The following E2F8 variants were observed in gnomAD, a reference collection of about 807,000 sequenced individuals.
E2F8 encodes the protein E2F transcription factor 8.
Under a neutral mutation model 80.8 loss-of-function variants are expected in E2F8, and 35 were observed. The observed-to-expected ratio is 0.43, with a 90% confidence interval of 0.33 to 0.57. The LOEUF (loss-of-function observed/expected upper bound fraction) is 0.57, where lower values mean the gene tolerates loss of function less well. Among genes scored for constraint, E2F8 ranks in the 20% least tolerant of loss-of-function variants. The pLI is 0.04. For missense variants in E2F8, 975 were observed against 1,056.2 expected (o/e 0.92, Z 1.07); for synonymous variants, 386 against 395.0 (o/e 0.98, Z 0.27).
At position 19,224,788 on chromosome 11, in the gene E2F8, C is replaced by T. The variant is rs370899212; in HGVS notation, c.2474G>A (p.Arg825His). 4.5e-5 allele frequency: 73 copies of T among 1,613,968 alleles called. No individual in the cohort carries two copies. The highest frequency in any genetic ancestry group is 5.5e-5 in the Non-Finnish European group (65 of 1,180,030). The part of the protein sequence containing the change: ...GSQLVAESFF[R>H]TPGGPTKPTS... ...TGGCTTGGTGGGTCCACCTGGGGTACGGAAGAAACTTTCGGCCACTAATTG... is the reference window on the plus strand; with the variant it reads ...TGGCTTGGTGGGTCCACCTGGGGTATGGAAGAAACTTTCGGCCACTAATTG... Residue 825 changes from arginine (R) to histidine (H), a missense_variant, in exon 13 of 13, where the codon CGT (arginine) becomes CAT (histidine). Physicochemically the swap from Arg to His is conservative, Grantham distance 29. Transcript: ENST00000250024.
At chr11:19,236,278 C>G (rs1291392515) in intron 4 of E2F8, among the ~76,000 whole-genome samples, 1 of 152,184 alleles carries the variant, frequency 6.6e-6, no homozygotes, top group Non-Finnish European at 1.5e-5. Flanking sequence ...TCAACGAAGC[C>G]TGATCTGACC....
chr11:19,229,376 A>C lies in E2F8; in HGVS notation c.1893+78T>G. ...GTCTTCTGAGAGAATGCTCTTCGGTAAATTTCACAAGCCACCAATCTTCCT... is the reference window on the plus strand; with the variant it reads ...GTCTTCTGAGAGAATGCTCTTCGGTCAATTTCACAAGCCACCAATCTTCCT... On this transcript the variant is annotated intron_variant, in intron 10 of 12. Coordinates refer to ENST00000250024, the MANE Select transcript of E2F8 (RefSeq NM_024680.4). This position sits in a 1 kb window ranked among gnomAD's most constrained non-coding sequence, Gnocchi z 4.3. The C allele has an allele frequency of 6.6e-7, 1 of 1,518,116 alleles. No homozygotes were observed. Among genetic ancestry groups the C allele is most frequent in the Non-Finnish European group, 8.8e-7 (1 of 1,132,782 alleles). The allele number at this position is 1,518,116 out of a possible 1,614,324, so 94.0% of individuals were successfully genotyped here.
At chr11:19,232,918 G>C (rs922523606) in intron 6 of E2F8, among the ~76,000 whole-genome samples, 1 of 152,124 alleles carries the variant, frequency 6.6e-6, no homozygotes, top group East Asian at 1.9e-4. Flanking sequence ...ATCTTAAAGA[G>C]TTTTGTTACA....
chr11:19,232,300 T>C lies in E2F8; in HGVS notation c.1000A>G (p.Thr334Ala). Residue 334 changes from threonine (T) to alanine (A), a missense_variant, in exon 7 of 13, where the codon ACA (threonine) becomes GCA (alanine). Coordinates refer to ENST00000250024, the MANE Select transcript of E2F8 (RefSeq NM_024680.4). The part of the protein sequence containing the change: ...SLDLIKKVHV[T>A]EERGRKPAFK... ...GCTGGTTTTCGGCCTCTTTCCTCTG[T>C]AACATGAACTTTCTTGATAAGATCC... 1.2e-6 allele frequency: 2 copies of C among 1,614,188 alleles called. No individual in the cohort carries two copies. The highest frequency in any genetic ancestry group is 1.7e-6 in the Non-Finnish European group (2 of 1,180,026).
At chr11:19,228,307 T>G (rs949139563) in intron 10 of E2F8, among the ~76,000 whole-genome samples, 2 of 152,230 alleles carry the variant, frequency 1.3e-5, no homozygotes, top group African/African-American at 4.8e-5. Flanking sequence ...GGATACTATG[T>G]AAGATAATAG....
At chr11:19,234,256 G>C in intron 6 of E2F8, 104 bp downstream of exon 6, 1 of 1,246,846 alleles carries the variant, frequency 8.0e-7, no homozygotes, top group African/African-American at 1.5e-5. Context: ...AATTAGAGAA[G>C]ATCTGTTTAT....
chr11:19,229,883 C>T lies in E2F8; in HGVS notation c.1464G>A (p.Pro488=), dbSNP rs140189421. 2.6e-3 allele frequency: 4,208 copies of T among 1,613,918 alleles called. 7 individuals are homozygous for T. Among genetic ancestry groups the T allele is most frequent in the Non-Finnish European group, 3.1e-3 (3,708 of 1,179,976 alleles). The change falls in exon 10 of 13, where the codon CCG becomes CCA. Residue 488 remains proline (P), a synonymous_variant. Coordinates refer to ENST00000250024, the MANE Select transcript of E2F8 (RefSeq NM_024680.4). This position sits in a 1 kb window ranked among gnomAD's most constrained non-coding sequence, Gnocchi z 4.3. The part of the protein sequence containing the change: ...PVNAEMELTA[P]SLIQPLGMVP... ...CCATTCCCAGGGGCTGGATGAGGGACGGTGCTGTCAGCTCCATCTCAGCAT... is the reference window on the plus strand; with the variant it reads ...CCATTCCCAGGGGCTGGATGAGGGATGGTGCTGTCAGCTCCATCTCAGCAT...
chr11:19,230,489 A>G (rs1003008925), intron 8 of E2F8, 142 bp downstream of exon 8: 19 of 1,201,014 alleles, frequency 1.6e-5, no homozygotes, highest in Admixed American at 2.6e-5. Context: ...TTAAATTTAT[A>G]CATTAGTTAG....
In E2F8 at chr11:19,230,283, T is replaced by C. The variant is rs1182283618; in HGVS notation, c.1316A>G (p.Gln439Arg). The change falls in exon 9 of 13, where the codon CAG (glutamine) becomes CGG (arginine). Residue 439 changes from glutamine (Q) to arginine (R), a missense_variant. Gln to Arg is a conservative substitution (Grantham distance 43). Transcript: ENST00000250024. ...NSAPFPSKMA[Q>R]LAAICKMQLE... is the part of the protein sequence containing the mutation. ...CTGCATTTTACAAATAGCTGCGAGC[T>C]GAGCCATTTTACTTGGGAAGGGTGC... The C allele has an allele frequency of 6.2e-7, 1 of 1,614,108 alleles. No individual in the cohort carries two copies. Among genetic ancestry groups the C allele is most frequent in the Non-Finnish European group, 8.5e-7 (1 of 1,180,006 alleles).
At chr11:19,238,826 G>C (rs1378390443) in intron 2 of E2F8, among the ~76,000 whole-genome samples, 2 of 152,150 alleles carry the variant, frequency 1.3e-5, no homozygotes, top group South Asian at 2.1e-4. Context: ...TGATTAGGTT[G>C]GTGCAAAAGT....
chr11:19,225,939 C>G, intron 10 of E2F8, 75 bp from the exon 11 acceptor site: 3 of 1,530,704 alleles, frequency 2.0e-6, no homozygotes, highest in Non-Finnish European at 1.8e-6. Flanking sequence ...TCTTTCAGGA[C>G]TAATATCCCT....
chr11:19,235,515 G>A (rs577950007), intron 4 of E2F8, among the ~76,000 whole-genome samples: 95 of 152,304 alleles, frequency 6.2e-4, no homozygotes, highest in African/African-American at 2.2e-3. Context: ...CGGGTGTGGT[G>A]GCGGGTGCCT....
intron 6 of E2F8, 97 bp from the exon 7 acceptor site, chr11:19,232,468 A>G: frequency 2.0e-6 from 2 of 1,017,008 alleles, no homozygotes; most frequent in Non-Finnish European, 2.8e-6. Context: ...GAGCTGTCTT[A>G]ACCATCAATG....
Position 19,225,233 on chromosome 11 carries a change from T to G in E2F8, c.2409A>C (p.Thr803=). The G allele has an allele frequency of 6.2e-7, 1 of 1,613,460 alleles. No homozygotes were observed. Among genetic ancestry groups the G allele is most frequent in the Non-Finnish European group, 8.5e-7 (1 of 1,179,980 alleles). Residue 803 remains threonine, a synonymous_variant, in exon 12 of 13, where the codon ACA becomes ACC. Coordinates refer to ENST00000250024, the MANE Select transcript of E2F8 (RefSeq NM_024680.4). The part of the protein sequence containing the change: ...SQPNGQSVAV[T]GAQQPVPVTP... Reference sequence around the variant, plus strand: ...GAAAGCCTCTCACCTGTTGTGCCCCTGTCACAGCAACTGATTGTCCATTTG... The same window carrying G: ...GAAAGCCTCTCACCTGTTGTGCCCCGGTCACAGCAACTGATTGTCCATTTG...
Position 19,224,554 on chromosome 11 carries a change from C to T in E2F8, c.*104G>A, listed in dbSNP as rs968068587. On this transcript the variant is annotated 3_prime_UTR_variant, in exon 13 of 13. Transcript: ENST00000250024. ...GATTTCACATTGAACAAATCCCCAACGTATTTACAGTATTTTCAGAGAATG... is the reference window on the plus strand; with the variant it reads ...GATTTCACATTGAACAAATCCCCAATGTATTTACAGTATTTTCAGAGAATG... 21 of 1,163,428 alleles carry T rather than the reference C, an allele frequency of 1.8e-5. No homozygotes were observed. The highest frequency in any genetic ancestry group is 9.8e-5 in the Admixed American group (4 of 40,750). 72.1% of individuals were successfully genotyped at this position (1,163,428 alleles called of 1,614,324 possible). A position where few individuals can be genotyped will look rare whatever the true frequency, so the allele number is the denominator to read the frequency against.
chr11:19,238,564 G>GT (rs1436215386), intron 2 of E2F8, among the ~76,000 whole-genome samples: 4 of 152,228 alleles, frequency 2.6e-5, no homozygotes, highest in African/African-American at 4.8e-5. Context: ...TCATGGCACT[G>GT]TAATAAGTAA....
chr11:19,240,364 C>G (rs1001276032), intron 1 of E2F8, 134 bp from the exon 2 acceptor site: 1 of 303,098 alleles, frequency 3.3e-6, no homozygotes, highest in Non-Finnish European at 6.1e-6. Context: ...ACATTTTATT[C>G]TCGACCAGAG....
In E2F8 at chr11:19,240,048, T is replaced by C. The variant is rs1851618412; in HGVS notation, c.15+59A>G. ...ATTGGATAGGGAAAAATTATGGAGT[T>C]AAATCAGGATGATACTGAATTTAAA... On this transcript the variant is annotated intron_variant, in intron 2 of 12. Coordinates refer to ENST00000250024, the MANE Select transcript of E2F8 (RefSeq NM_024680.4). 2.2e-6 allele frequency: 3 copies of C among 1,375,502 alleles called. No individual in the cohort carries two copies. In the African/African-American group the frequency reaches 4.4e-5, roughly 20 times the overall value. 85.2% of individuals were successfully genotyped at this position (1,375,502 alleles called of 1,614,324 possible).
chr11:19,240,164 C>G lies in E2F8; in HGVS notation c.-43G>C. On this transcript the variant is annotated 5_prime_UTR_variant, in exon 2 of 13. Transcript: ENST00000250024. ...CATTTAGAGTTTAAAAATGAAAAAT[C>G]TGGAGTTCCTCCCCAAATCCCGATG... 1 of 1,406,886 alleles carries G rather than the reference C, an allele frequency of 7.1e-7. No individual in the cohort carries two copies. The highest frequency in any genetic ancestry group is 9.6e-7 in the Non-Finnish European group (1 of 1,046,646). 87.2% of individuals were successfully genotyped at this position (1,406,886 alleles called of 1,614,324 possible). A position where few individuals can be genotyped will look rare whatever the true frequency, so the allele number is the denominator to read the frequency against.
Sources: allele counts gnomAD v4.1 joint callset (sites outside exome capture counted in the v4.1 genomes callset), GRCh38; gene constraint gnomAD v4.1.1; non-coding constraint Gnocchi (gnomAD v3.1); transcripts MANE v1.5; gene names NCBI Gene and HGNC (gene_info 2026-07-23, HGNC 2026-07-21).